ERBB4: variants seen among roughly 807,000 people sequenced by gnomAD.
ERBB4 encodes erb-b2 receptor tyrosine kinase 4.
A neutral mutation model predicts 158.0 loss-of-function variants in ERBB4; 42 were observed. That is an observed-to-expected ratio of 0.27 (90% CI 0.21 to 0.34). The LOEUF (loss-of-function observed/expected upper bound fraction) is 0.34. ERBB4 is among the 10% of genes least tolerant of loss of function. The pLI, the probability that ERBB4 is intolerant of heterozygous loss-of-function variation, is 1.00. For synonymous variants in ERBB4, 583 were observed against 558.7 expected (o/e 1.04, Z -0.61); for missense variants, 1,333 against 1,624.1 (o/e 0.82, Z 3.08).
intron 3 of ERBB4, among the ~76,000 whole-genome samples, chr2:211,933,464 A>C (rs1319042457): frequency 6.6e-6 from 1 of 152,114 alleles, no homozygotes; most frequent in East Asian, 1.9e-4. Flanking sequence ...CAAATTTGAT[A>C]ATCTATTGTA....
At chr2:212,065,803 A>T (rs570157675) in intron 2 of ERBB4, among the ~76,000 whole-genome samples, 1 of 152,130 alleles carries the variant, frequency 6.6e-6, no homozygotes, top group Non-Finnish European at 1.5e-5. Context: ...TCTAAACACT[A>T]TTTCCCAACC....
intron 3 of ERBB4, among the ~76,000 whole-genome samples, chr2:211,917,306 A>C (rs1423695326): frequency 7.0e-6 from 1 of 142,924 alleles, no homozygotes; most frequent in Non-Finnish European, 1.5e-5. Flanking sequence ...GCTGTGTGCT[A>C]CAGAGATATG....
intron 1 of ERBB4, among the ~76,000 whole-genome samples, chr2:212,474,998 C>G (rs1689313459): frequency 6.6e-6 from 1 of 151,846 alleles, no homozygotes; most frequent in South Asian, 2.1e-4. Context: ...CCCGCTTAGG[C>G]TTTCCCAAAC....
intron 2 of ERBB4, among the ~76,000 whole-genome samples, chr2:212,008,650 A>G (rs1455260267): frequency 2.0e-5 from 3 of 152,118 alleles, no homozygotes; most frequent in African/African-American, 4.8e-5. Context: ...TCTTAAAATT[A>G]CTGACAGGCT....
chr2:212,175,110 A>G (rs1487771286), intron 1 of ERBB4, among the ~76,000 whole-genome samples: 1 of 152,024 alleles, frequency 6.6e-6, no homozygotes, highest in Non-Finnish European at 1.5e-5. Flanking sequence ...AAGTCACCAT[A>G]TCATCTCTAA....
chr2:211,998,964 T>A (rs1263226722), intron 2 of ERBB4, among the ~76,000 whole-genome samples: 1 of 151,900 alleles, frequency 6.6e-6, no homozygotes, highest in East Asian at 1.9e-4. Context: ...TTCAAGTTAA[T>A]GTTTAATCAT....
intron 1 of ERBB4, among the ~76,000 whole-genome samples, chr2:212,224,979 C>G (rs1370099531): frequency 6.6e-6 from 1 of 151,972 alleles, no homozygotes; most frequent in Non-Finnish European, 1.5e-5. Flanking sequence ...TTCTAACTAG[C>G]ACACTAACTA....
intron 2 of ERBB4, among the ~76,000 whole-genome samples, chr2:211,953,786 T>A (rs2080947998): frequency 6.6e-6 from 1 of 152,036 alleles, no homozygotes; most frequent in Non-Finnish European, 1.5e-5. Context: ...TGACATTTGA[T>A]GATAGAAATC....
intron 20 of ERBB4, among the ~76,000 whole-genome samples, chr2:211,500,476 T>C (rs1246761431): frequency 6.6e-6 from 1 of 152,090 alleles, no homozygotes; most frequent in East Asian, 1.9e-4. Context: ...TTAATAGGTT[T>C]GATTCTACAA....
intron 1 of ERBB4, among the ~76,000 whole-genome samples, chr2:212,474,815 G>C (rs1226922434): frequency 1.1e-5 from 1 of 93,412 alleles, no homozygotes; most frequent in Non-Finnish European, 2.1e-5. Context: ...CCTGACACCC[G>C]GCCATTCTTT....
intron 20 of ERBB4, among the ~76,000 whole-genome samples, chr2:211,466,443 G>T (rs1242878737): frequency 6.7e-6 from 1 of 148,644 alleles, no homozygotes; most frequent in African/African-American, 2.5e-5. Context: ...TATTGTCAAA[G>T]AATTCAAGAC....
At chr2:212,448,636 T>C (rs771528943) in intron 1 of ERBB4, among the ~76,000 whole-genome samples, 13 of 152,048 alleles carry the variant, frequency 8.5e-5, no homozygotes, top group Non-Finnish European at 1.6e-4. Flanking sequence ...TACATAAACA[T>C]CAGGCATGGA....
chr2:212,399,579 TATATATTG>T lies in ERBB4; in HGVS notation c.82+138862_82+138869del, dbSNP rs1178836210. Among the ~76,000 whole-genome samples the T allele has an allele frequency of 7.9e-4, 79 of 99,482 alleles. 2 individuals carry two copies. Among genetic ancestry groups the T allele is most frequent in the African/African-American group, 3.4e-3 (78 of 22,656 alleles). The allele number at this position is 99,482 out of a possible 152,430, so 65.3% of individuals were successfully genotyped here. A position where few individuals can be genotyped will look rare whatever the true frequency, so the allele number is the denominator to read the frequency against. On this transcript the variant is annotated intron_variant, in intron 1 of 27. Transcript: ENST00000342788. The stretch of plus-strand genomic sequence containing the variant: ...ATATATATATATATATATATATATA[TATATATTG>T]GGCGTGGTGTCTTATGCCTGTAATC...
At chr2:212,379,274 T>C (rs960180431) in intron 1 of ERBB4, among the ~76,000 whole-genome samples, 4 of 151,758 alleles carry the variant, frequency 2.6e-5, no homozygotes, top group Non-Finnish European at 5.9e-5. Context: ...CATTTGCTCA[T>C]GTTTAAACAA....
chr2:212,419,984 C>G (rs1205713384), intron 1 of ERBB4, among the ~76,000 whole-genome samples: 1 of 151,898 alleles, frequency 6.6e-6, no homozygotes, highest in East Asian at 1.9e-4. Context: ...TGAATTCATT[C>G]TAAGTGCAAA....
intron 3 of ERBB4, among the ~76,000 whole-genome samples, chr2:211,927,653 TG>T (rs1476025680): frequency 6.6e-6 from 1 of 151,916 alleles, no homozygotes; most frequent in African/African-American, 2.4e-5. Flanking sequence ...GAAACACAAA[TG>T]TAGAGTGAGG....
At chr2:212,330,815 T>C (rs1396549328) in intron 1 of ERBB4, among the ~76,000 whole-genome samples, 1 of 151,454 alleles carries the variant, frequency 6.6e-6, no homozygotes, top group African/African-American at 2.4e-5. Context: ...TAATGACCTC[T>C]TAAAGTGCAA....
At chr2:212,106,976 C>A (rs1462658474) in intron 2 of ERBB4, among the ~76,000 whole-genome samples, 2 of 152,228 alleles carry the variant, frequency 1.3e-5, no homozygotes, top group African/African-American at 4.8e-5. Flanking sequence ...AATGTCCAGG[C>A]AGAAGTTTGC....
chr2:211,728,241 A>T (rs1386899728), intron 5 of ERBB4, among the ~76,000 whole-genome samples: 6 of 151,328 alleles, frequency 4.0e-5, no homozygotes, highest in Non-Finnish European at 8.9e-5. Context: ...ACCATCTAAC[A>T]TATTATTATT....
Sources: allele counts gnomAD v4.1 joint callset (sites outside exome capture counted in the v4.1 genomes callset), GRCh38; gene constraint gnomAD v4.1.1; transcripts MANE v1.5; gene names NCBI Gene and HGNC (gene_info 2026-07-23, HGNC 2026-07-21).